The following B3GALT1 variants were observed in gnomAD, a reference collection of about 807,000 sequenced individuals.
B3GALT1 encodes UDP-Gal:betaGlcNAc beta 1,3-galactosyltransferase, polypeptide 1.
In B3GALT1, 10 loss-of-function variants were observed where a neutral mutation model predicts 23.2. That is an observed-to-expected ratio of 0.43 (90% CI 0.27 to 0.73). The LOEUF is 0.73. Ranked by LOEUF, B3GALT1 falls within the 30% of genes least tolerant of loss-of-function variation. The pLI, the probability that B3GALT1 is intolerant of heterozygous loss-of-function variation, is 0.21. For synonymous variants in B3GALT1, 156 were observed against 141.5 expected (o/e 1.10, Z -0.73); for missense variants, 299 against 405.4 (o/e 0.74, Z 2.25).
At chr2:167,732,417 T>C (rs1687423522) in intron 3 of B3GALT1, among the ~76,000 whole-genome samples, 1 of 152,220 alleles carries the variant, frequency 6.6e-6, no homozygotes, top group Non-Finnish European at 1.5e-5. Flanking sequence ...AATTACATTT[T>C]TAAACCTTCA....
chr2:167,419,655 G>T (rs1369007771), intron 1 of B3GALT1, among the ~76,000 whole-genome samples: 1 of 152,158 alleles, frequency 6.6e-6, no homozygotes, highest in Non-Finnish European at 1.5e-5. Context: ...CCAAATAATG[G>T]AGAACTTTAC....
chr2:167,849,845 G>A (rs532747684), intron 4 of B3GALT1, among the ~76,000 whole-genome samples: 33 of 148,564 alleles, frequency 2.2e-4, no homozygotes, highest in Middle Eastern at 3.5e-3. Context: ...AGCCGAGATC[G>A]CGCCACTGCA....
chr2:167,841,442 C>A (rs753070692), intron 4 of B3GALT1, among the ~76,000 whole-genome samples: 56 of 151,984 alleles, frequency 3.7e-4, no homozygotes, highest in Non-Finnish European at 6.9e-4. Context: ...GCCTTTGGGC[C>A]AATAAAGACA....
intron 1 of B3GALT1, among the ~76,000 whole-genome samples, chr2:167,435,993 A>ACACG: frequency 8.1e-6 from 1 of 122,808 alleles, no homozygotes. Flanking sequence ...GCACACACAC[A>ACACG]CACGCACTAG....
intron 1 of B3GALT1, among the ~76,000 whole-genome samples, chr2:167,484,346 C>T (rs1416872597): frequency 2.0e-5 from 3 of 152,006 alleles, no homozygotes; most frequent in Non-Finnish European, 4.4e-5. Flanking sequence ...TATTTTGAGC[C>T]AAATACGAGT....
chr2:167,449,238 C>T (rs1006770486), intron 1 of B3GALT1, among the ~76,000 whole-genome samples: 1 of 152,028 alleles, frequency 6.6e-6, no homozygotes, highest in Non-Finnish European at 1.5e-5. Context: ...GATGTGTTTT[C>T]ATTTGTTTGT....
intron 4 of B3GALT1, among the ~76,000 whole-genome samples, chr2:167,854,500 T>G (rs1388430671): frequency 6.6e-6 from 1 of 152,198 alleles, no homozygotes; most frequent in Non-Finnish European, 1.5e-5. Flanking sequence ...ATTTGGAGGC[T>G]ACAAATTCTA....
intron 1 of B3GALT1, among the ~76,000 whole-genome samples, chr2:167,447,211 G>A (rs1020366352): frequency 2.6e-5 from 4 of 152,158 alleles, no homozygotes; most frequent in African/African-American, 7.2e-5. Context: ...CTGCCTGATC[G>A]TTCCTCTGGA....
chr2:167,303,644 T>TACACACACAC (rs61323885), intron 1 of B3GALT1, among the ~76,000 whole-genome samples: 41 of 145,004 alleles, frequency 2.8e-4, no homozygotes, highest in African/African-American at 9.4e-4. Context: ...AACACACACA[T>TACACACACAC]ACACACACAC....
At chr2:167,568,036 T>G (rs1424229728) in intron 2 of B3GALT1, among the ~76,000 whole-genome samples, 1 of 152,138 alleles carries the variant, frequency 6.6e-6, no homozygotes, top group Non-Finnish European at 1.5e-5. Context: ...CGTTTAAGTT[T>G]CCTCCGTGTC....
chr2:167,757,550 G>C (rs1252856517), intron 3 of B3GALT1, among the ~76,000 whole-genome samples: 1 of 152,086 alleles, frequency 6.6e-6, no homozygotes, highest in Admixed American at 6.6e-5. Context: ...GGGGAAAAAG[G>C]CATAGGTACC....
At chr2:167,695,526 C>T (rs972310511) in intron 3 of B3GALT1, among the ~76,000 whole-genome samples, 2 of 152,158 alleles carry the variant, frequency 1.3e-5, no homozygotes, top group Non-Finnish European at 2.9e-5. Context: ...CCAGGGAAAT[C>T]GCTTCATAAC....
chr2:167,408,547 A>T (rs565867087), intron 1 of B3GALT1, among the ~76,000 whole-genome samples: 4 of 152,296 alleles, frequency 2.6e-5, no homozygotes, highest in African/African-American at 4.8e-5. Flanking sequence ...GAAATGAAGG[A>T]TATCCAAATT....
intron 3 of B3GALT1, among the ~76,000 whole-genome samples, chr2:167,781,760 G>T (rs1416065245): frequency 6.6e-6 from 1 of 151,874 alleles, no homozygotes. Flanking sequence ...TTTTGTTTTT[G>T]AGACAGGGTC....
chr2:167,387,703 T>C (rs1238510454), intron 1 of B3GALT1, among the ~76,000 whole-genome samples: 1 of 152,212 alleles, frequency 6.6e-6, no homozygotes, highest in East Asian at 1.9e-4. Context: ...AATGTGCTTA[T>C]TTACGTGCAT....
chr2:167,689,938 G>T (rs1254741069), intron 3 of B3GALT1, among the ~76,000 whole-genome samples: 1 of 152,092 alleles, frequency 6.6e-6, no homozygotes, highest in Non-Finnish European at 1.5e-5. Context: ...AAGGCTTCTG[G>T]TAGAGCAGAA....
At chr2:167,459,807 T>A (rs1699229078) in intron 1 of B3GALT1, among the ~76,000 whole-genome samples, 1 of 152,176 alleles carries the variant, frequency 6.6e-6, no homozygotes, top group Non-Finnish European at 1.5e-5. Flanking sequence ...GAACTTTTGT[T>A]TATCTGGGAA....
chr2:167,767,326 C>G (rs1050442849), intron 3 of B3GALT1, among the ~76,000 whole-genome samples: 1 of 152,176 alleles, frequency 6.6e-6, no homozygotes, highest in Non-Finnish European at 1.5e-5. Flanking sequence ...AATGAGTTAT[C>G]CATTTGTAAA....
intron 3 of B3GALT1, chr2:167,715,699 T>C: frequency 6.2e-7 from 1 of 1,613,362 alleles, no homozygotes; most frequent in African/African-American, 1.3e-5. Flanking sequence ...TTCGTGCTTC[T>C]GCTGCCGCCT....
Sources: gnomAD v4.1 joint callset for allele counts (sites outside exome capture counted in the v4.1 genomes callset) on GRCh38, gnomAD v4.1.1 for gene constraint, MANE v1.5 for transcripts, NCBI Gene and HGNC (gene_info 2026-07-23, HGNC 2026-07-21) for gene names.